PTPRC: variants seen among roughly 807,000 people sequenced by gnomAD.
The protein encoded by PTPRC is protein tyrosine phosphatase receptor type C, also known as receptor-type tyrosine-protein phosphatase C.
A neutral mutation model predicts 155.9 loss-of-function variants in PTPRC; 44 were observed. That is an observed-to-expected ratio of 0.28 (90% CI 0.22 to 0.36). The LOEUF (loss-of-function observed/expected upper bound fraction) is 0.36. Ranked by LOEUF, PTPRC falls within the 10% of genes least tolerant of loss-of-function variation. The pLI is 1.00. For synonymous variants in PTPRC, 525 were observed against 533.1 expected (o/e 0.98, Z 0.21); for missense variants, 1,401 against 1,564.6 (o/e 0.90, Z 1.76).
At chr1:198,699,496 AC>A in intron 4 of PTPRC, 67 bp from the exon 5 acceptor site, 1 of 1,578,530 alleles carries the variant, frequency 6.3e-7, no homozygotes, top group African/African-American at 1.3e-5. Flanking sequence ...GCTCCTTATA[AC>A]CTCTTAGTAA....
At chr1:198,638,953 C>G (rs1424227035), upstream of PTPRC, 2 of 321,380 alleles carry the variant, frequency 6.2e-6, no homozygotes, top group Non-Finnish European at 1.2e-5. Context: ...AAGTGCAATG[C>G]CATTCTACTG....
At chr1:198,712,920 T>C in intron 11 of PTPRC, 33 bp from the exon 12 acceptor site, 3 of 1,592,140 alleles carry the variant, frequency 1.9e-6, no homozygotes, top group Non-Finnish European at 2.6e-6. Context: ...GTCTTATTTT[T>C]CATATTACAT....
intron 18 of PTPRC, among the ~76,000 whole-genome samples, 180 bp from the exon 19 acceptor site, chr1:198,732,119 GA>G (rs1395354218): frequency 3.3e-5 from 5 of 151,444 alleles, no homozygotes; most frequent in African/African-American, 1.2e-4. Flanking sequence ...TAATTTGTAA[GA>G]AAAAAGTTTT....
chr1:198,719,965 G>T (rs915192649), intron 14 of PTPRC, among the ~76,000 whole-genome samples: 6 of 152,012 alleles, frequency 3.9e-5, no homozygotes, highest in African/African-American at 1.2e-4. Flanking sequence ...TTTTGATTTT[G>T]TTTTTGAACT....
chr1:198,686,142 T>C (rs562008509), intron 2 of PTPRC, among the ~76,000 whole-genome samples: 1 of 152,194 alleles, frequency 6.6e-6, no homozygotes, highest in African/African-American at 2.4e-5. Context: ...AGAAACATAT[T>C]GGGAAAGGTA....
chr1:198,653,197 C>T (rs1254112644), intron 2 of PTPRC, among the ~76,000 whole-genome samples: 1 of 151,648 alleles, frequency 6.6e-6, no homozygotes, highest in Admixed American at 6.6e-5. Context: ...TTTTGTTAGC[C>T]TTAATAAAAT....
chr1:198,694,664 A>C (rs1462222049), intron 3 of PTPRC: 52 of 982,760 alleles, frequency 5.3e-5, no homozygotes, highest in Non-Finnish European at 5.9e-5. Flanking sequence ...TCAAGTCTAT[A>C]ATGATGACAG....
chr1:198,695,602 C>A (rs1666165451), intron 3 of PTPRC, among the ~76,000 whole-genome samples: 1 of 151,570 alleles, frequency 6.6e-6, no homozygotes. Context: ...CTGATTTGCC[C>A]TGCAGAATTT....
intron 5 of PTPRC, 144 bp downstream of exon 5, chr1:198,699,848 A>AAT: frequency 9.6e-7 from 1 of 1,043,272 alleles, no homozygotes; most frequent in Non-Finnish European, 1.5e-6. Flanking sequence ...CACTCTTAGG[A>AAT]ATATGAAACC....
At chr1:198,742,419 T>C in intron 25 of PTPRC, 52 bp downstream of exon 25, 1 of 1,595,416 alleles carries the variant, frequency 6.3e-7, no homozygotes, top group Non-Finnish European at 8.6e-7. Context: ...TGGACTTAAA[T>C]CTTTTCCAAG....
intron 13 of PTPRC, 39 bp from the exon 14 acceptor site, chr1:198,718,055 A>G: frequency 6.8e-7 from 1 of 1,479,866 alleles, no homozygotes; most frequent in Non-Finnish European, 9.4e-7. Flanking sequence ...ATATGCATCT[A>G]TTAAATTATT....
chr1:198,658,955 C>T (rs1002201047), intron 2 of PTPRC, among the ~76,000 whole-genome samples: 2 of 152,010 alleles, frequency 1.3e-5, no homozygotes, highest in African/African-American at 2.4e-5. Flanking sequence ...TACAGACATG[C>T]GCAGGAAGTA....
intron 2 of PTPRC, among the ~76,000 whole-genome samples, chr1:198,666,509 A>G (rs189400620): frequency 2.6e-5 from 4 of 152,356 alleles, no homozygotes; most frequent in Admixed American, 2.6e-4. Flanking sequence ...GTTAGATGCT[A>G]TAGTAAATGT....
At chr1:198,643,749 G>A (rs1434481314) in intron 2 of PTPRC, among the ~76,000 whole-genome samples, 1 of 151,924 alleles carries the variant, frequency 6.6e-6, no homozygotes, top group Non-Finnish European at 1.5e-5. Flanking sequence ...AGGAGAAAAA[G>A]CAAGGAATGG....
chr1:198,669,212 G>A (rs529096961), intron 2 of PTPRC, among the ~76,000 whole-genome samples: 31 of 152,278 alleles, frequency 2.0e-4, no homozygotes, highest in African/African-American at 6.5e-4. Flanking sequence ...AGTTCAAACC[G>A]TGGTAGATTT....
In PTPRC at chr1:198,750,754, T is replaced by G. The variant is rs184182730; in HGVS notation, c.3207+128T>G. On this transcript the variant is annotated intron_variant, in intron 29 of 32. Coordinates refer to ENST00000442510, the MANE Select transcript of PTPRC (RefSeq NM_002838.5). ...CCCTCCATCACATAATTCTGTCTGC[T>G]CAGTCTTACCCCTTTCACCCTGGTG... 4.6e-4 allele frequency: 562 copies of G among 1,222,310 alleles called. No individual in the cohort carries two copies. The African/African-American group carries it at 7.6e-3, about 17-fold the overall frequency. 75.7% of individuals were successfully genotyped at this position (1,222,310 alleles called of 1,614,324 possible). A position where few individuals can be genotyped will look rare whatever the true frequency, so the allele number is the denominator to read the frequency against.
At chr1:198,670,712 C>A (rs765997733) in intron 2 of PTPRC, among the ~76,000 whole-genome samples, 1 of 152,100 alleles carries the variant, frequency 6.6e-6, no homozygotes, top group Non-Finnish European at 1.5e-5. Flanking sequence ...GCTTCACAAA[C>A]TTCTTAAAAG....
chr1:198,733,311 TTA>T (rs1654482171), intron 20 of PTPRC, among the ~76,000 whole-genome samples: 1 of 151,722 alleles, frequency 6.6e-6, no homozygotes, highest in South Asian at 2.1e-4. Flanking sequence ...ATCAGGTTAC[TTA>T]TGTTTCCCCA....
chr1:198,706,183 A>G (rs1652952569), intron 8 of PTPRC, among the ~76,000 whole-genome samples: 1 of 152,230 alleles, frequency 6.6e-6, no homozygotes, highest in African/African-American at 2.4e-5. Flanking sequence ...AATTGTTGAC[A>G]CTAAACAAAG....
Sources: allele counts gnomAD v4.1 joint callset (sites outside exome capture counted in the v4.1 genomes callset), GRCh38; gene constraint gnomAD v4.1.1; transcripts MANE v1.5; gene names NCBI Gene and HGNC (gene_info 2026-07-23, HGNC 2026-07-21).